ARMC3: variants seen among roughly 807,000 people sequenced by gnomAD.
ARMC3 encodes the protein armadillo repeat-containing protein 3.
ARMC3 carries 74 observed loss-of-function variants against 90.3 expected under a neutral mutation model. That is an observed-to-expected ratio of 0.82 (90% CI 0.68 to 0.99). The LOEUF is 0.99. Ranked by LOEUF, ARMC3 falls within the 50% of genes least tolerant of loss-of-function variation. The probability of loss-of-function intolerance (pLI) is 0.00; values close to 1 mark genes in which losing one functional copy is unlikely to be tolerated. For missense variants in ARMC3, 958 were observed against 1,042.8 expected (o/e 0.92, Z 1.12); for synonymous variants, 334 against 361.8 (o/e 0.92, Z 0.87).
intron 1 of ARMC3, among the ~76,000 whole-genome samples, chr10:22,930,539 C>T (rs890686389): frequency 6.6e-6 from 1 of 152,146 alleles, no homozygotes; most frequent in Non-Finnish European, 1.5e-5. Context: ...CTTGCCCAGG[C>T]CCTCCAAAGT....
chr10:22,973,305 A>C (rs1835755082), intron 8 of ARMC3, among the ~76,000 whole-genome samples: 1 of 146,856 alleles, frequency 6.8e-6, no homozygotes, highest in Non-Finnish European at 1.5e-5. Flanking sequence ...AATAATAATA[A>C]TAATAATAAT....
chr10:22,938,684 G>A (rs1201397390), intron 2 of ARMC3, among the ~76,000 whole-genome samples: 4 of 152,136 alleles, frequency 2.6e-5, no homozygotes, highest in Non-Finnish European at 4.4e-5. Flanking sequence ...TCAAGCCTGA[G>A]CAATGGAGTG....
In ARMC3 at chr10:22,938,567, TGAA is replaced by T. The variant is rs567114697; in HGVS notation, c.48+6529_48+6531del. 4.1e-4 allele frequency among the ~76,000 whole-genome samples: 62 copies of T among 152,202 alleles called. No homozygotes were observed. In the East Asian group the frequency reaches 5.6e-3, roughly 14 times the overall value. On this transcript the variant is annotated intron_variant, in intron 2 of 18. Transcript: ENST00000298032. The stretch of plus-strand genomic sequence containing the variant: ...GCAGCTTGGACCCAGGAAGTCACCG[TGAA>T]GAAGATGAGATGTGGCCAGAGTGAG...
At chr10:22,933,991 A>G (rs890118211) in intron 2 of ARMC3, among the ~76,000 whole-genome samples, 3 of 152,222 alleles carry the variant, frequency 2.0e-5, no homozygotes, top group Admixed American at 6.5e-5. Flanking sequence ...TCAAAGCAGT[A>G]TGCCACAATT....
At position 22,968,490 on chromosome 10, in the gene ARMC3, G is replaced by T; in HGVS notation, c.916+1G>T. On this transcript the variant is annotated splice_donor_variant, in intron 8 of 18. Transcript: ENST00000298032. LOFTEE classifies it high-confidence loss of function. The stretch of plus-strand genomic sequence containing the variant: ...GCCATTACTAAAGCAGCTTATGATC[G>T]TATGTCTCATTTTATTTTATTTATT... The T allele has an allele frequency of 1.9e-6, 3 of 1,564,634 alleles. No individual in the cohort carries two copies. Among genetic ancestry groups the T allele is most frequent in the Non-Finnish European group, 2.6e-6 (3 of 1,159,220 alleles).
chr10:22,967,824 A>T (rs771889546), intron 7 of ARMC3, among the ~76,000 whole-genome samples: 2 of 152,212 alleles, frequency 1.3e-5, no homozygotes, highest in African/African-American at 4.8e-5. Flanking sequence ...TTTCCCGTTT[A>T]CATTTCTAGC....
At chr10:22,946,399 T>C (rs1834527352) in intron 3 of ARMC3, 138 bp downstream of exon 3, 1 of 579,818 alleles carries the variant, frequency 1.7e-6, no homozygotes, top group East Asian at 3.0e-5. Flanking sequence ...TATTATTTAA[T>C]GCATTACCTA....
At chr10:22,970,453 A>G (rs748788035) in intron 8 of ARMC3, among the ~76,000 whole-genome samples, 43 of 152,184 alleles carry the variant, frequency 2.8e-4, no homozygotes, top group Non-Finnish European at 3.8e-4. Context: ...AGGATTTTGG[A>G]CTTTATTTTA....
intron 10 of ARMC3, among the ~76,000 whole-genome samples, chr10:22,982,557 T>C (rs1836241578): frequency 6.6e-6 from 1 of 152,226 alleles, no homozygotes; most frequent in Admixed American, 6.5e-5. Context: ...GCTTACTTAA[T>C]TTTCCCAGGT....
intron 8 of ARMC3, among the ~76,000 whole-genome samples, chr10:22,976,916 G>C (rs1291247763): frequency 1.3e-5 from 2 of 152,192 alleles, no homozygotes; most frequent in East Asian, 3.8e-4. Context: ...AATAACTCTT[G>C]AGCTAGAATA....
At position 22,950,228 on chromosome 10, in the gene ARMC3, T is replaced by C. The variant is rs111896151; in HGVS notation, c.166+3967T>C. ...ACAGAGTGCTAGAAATGGCAACATATATGTTTTGTTATTTGAATCACTTCA... is the reference window on the plus strand; with the variant it reads ...ACAGAGTGCTAGAAATGGCAACATACATGTTTTGTTATTTGAATCACTTCA... On this transcript the variant is annotated intron_variant, in intron 3 of 18. Coordinates refer to ENST00000298032, the MANE Select transcript of ARMC3 (RefSeq NM_173081.5). Among the ~76,000 whole-genome samples, 178 of 152,228 alleles carry C rather than the reference T, an allele frequency of 1.2e-3. 1 individual carries two copies. The highest frequency in any genetic ancestry group is 4.2e-3 in the African/African-American group (175 of 41,566).
At chr10:22,950,282 A>C (rs1049359259) in intron 3 of ARMC3, among the ~76,000 whole-genome samples, 1 of 152,132 alleles carries the variant, frequency 6.6e-6, no homozygotes, top group Non-Finnish European at 1.5e-5. Context: ...AAAAATAATC[A>C]TATATTGTGC....
At chr10:22,964,220 A>G (rs1357729161) in intron 7 of ARMC3, among the ~76,000 whole-genome samples, 1 of 152,150 alleles carries the variant, frequency 6.6e-6, no homozygotes, top group Non-Finnish European at 1.5e-5. Flanking sequence ...TGCAAAATCT[A>G]TACACTGAAA....
intron 3 of ARMC3, among the ~76,000 whole-genome samples, chr10:22,953,396 A>C (rs1314551107): frequency 6.6e-6 from 1 of 152,182 alleles, no homozygotes. Context: ...ATAAGAAAAA[A>C]ATATATTTTT....
At chr10:23,004,873 T>C (rs1837501210) in intron 13 of ARMC3, among the ~76,000 whole-genome samples, 1 of 152,118 alleles carries the variant, frequency 6.6e-6, no homozygotes, top group Non-Finnish European at 1.5e-5. Flanking sequence ...CCTTCAATTA[T>C]GATAATTTAA....
chr10:22,941,954 C>A (rs1039238371), intron 2 of ARMC3, among the ~76,000 whole-genome samples: 2 of 152,116 alleles, frequency 1.3e-5, no homozygotes, highest in African/African-American at 4.8e-5. Flanking sequence ...GTTTAACATT[C>A]TTTGAGAATG....
At chr10:23,001,818 T>C (rs1837305781) in intron 11 of ARMC3, 101 bp from the exon 12 acceptor site, 1 of 1,322,032 alleles carries the variant, frequency 7.6e-7, no homozygotes. Flanking sequence ...CATTTTTACA[T>C]AGTTAAAACC....
chr10:22,942,495 A>T (rs1333987584), intron 2 of ARMC3, among the ~76,000 whole-genome samples: 1 of 152,202 alleles, frequency 6.6e-6, no homozygotes, highest in African/African-American at 2.4e-5. Context: ...AGCAGCAGGC[A>T]TTTCTCCAGC....
intron 16 of ARMC3, among the ~76,000 whole-genome samples, chr10:23,013,535 A>G (rs927979454): frequency 2.0e-5 from 3 of 152,234 alleles, no homozygotes; most frequent in African/African-American, 7.2e-5. Flanking sequence ...ATATCTGTGT[A>G]CACTGTGAAA....
Sources: gnomAD v4.1 joint callset for allele counts (sites outside exome capture counted in the v4.1 genomes callset) on GRCh38, gnomAD v4.1.1 for gene constraint, MANE v1.5 for transcripts, NCBI Gene and HGNC (gene_info 2026-07-23, HGNC 2026-07-21) for gene names.